TTC7B: variants seen among roughly 807,000 people sequenced by gnomAD.
The protein encoded by TTC7B is tetratricopeptide repeat protein 7B.
A neutral mutation model predicts 106.8 loss-of-function variants in TTC7B; 28 were observed. That is an observed-to-expected ratio of 0.26 (90% confidence interval 0.19 to 0.36). The LOEUF (loss-of-function observed/expected upper bound fraction) is 0.36, where lower values mean the gene tolerates loss of function less well. TTC7B is among the 10% of genes least tolerant of loss of function. TTC7B has a pLI of 1.00. For synonymous variants in TTC7B, 405 were observed against 430.6 expected, an observed-to-expected ratio of 0.94 and a Z score of 0.74; for missense variants, 862 against 1,076.4, an observed-to-expected ratio of 0.80 and a Z score of 2.79.
chr14:90,584,937 T>C (rs1566783570), intron 18 of TTC7B, among the ~76,000 whole-genome samples: 1 of 152,124 alleles, frequency 6.6e-6, no homozygotes, highest in Non-Finnish European at 1.5e-5. Flanking sequence ...ATGGGTCTCC[T>C]GTCACCCTTC....
chr14:90,688,333 T>C (rs1380672814), intron 7 of TTC7B, among the ~76,000 whole-genome samples: 2 of 151,740 alleles, frequency 1.3e-5, no homozygotes, highest in East Asian at 1.9e-4. Context: ...CTACTAAAAA[T>C]ACAAAAATTG....
At chr14:90,579,973 C>T (rs1471267082) in intron 18 of TTC7B, among the ~76,000 whole-genome samples, 1 of 152,376 alleles carries the variant, frequency 6.6e-6, no homozygotes, top group Middle Eastern at 3.4e-3. Context: ...TCCACAGCTG[C>T]TGCCAGGTTA....
At chr14:90,625,864 A>T (rs909660544) in intron 15 of TTC7B, among the ~76,000 whole-genome samples, 8 of 152,246 alleles carry the variant, frequency 5.3e-5, no homozygotes, top group Admixed American at 3.9e-4. Context: ...TTGATGTGCT[A>T]TTCATTGGGG....
intron 5 of TTC7B, 45 bp downstream of exon 5, chr14:90,730,030 T>C (rs1331124062): frequency 1.9e-6 from 3 of 1,572,466 alleles, no homozygotes; most frequent in Admixed American, 4.0e-5. Flanking sequence ...GGCTTTCTAC[T>C]TTCCTTCTTT....
intron 15 of TTC7B, among the ~76,000 whole-genome samples, chr14:90,633,134 A>G (rs1039997040): frequency 2.6e-5 from 4 of 152,212 alleles, no homozygotes; most frequent in African/African-American, 9.6e-5. Flanking sequence ...GATGTCTTAT[A>G]GTTATGGGTC....
At chr14:90,764,472 A>G (rs73332711) in intron 3 of TTC7B, among the ~76,000 whole-genome samples, 7,445 of 152,222 alleles carry the variant, frequency 0.049, 313 homozygotes, top group African/African-American at 0.11. Context: ...GGACTTAATC[A>G]AAATGAAAAA....
intron 9 of TTC7B, among the ~76,000 whole-genome samples, chr14:90,666,832 T>G (rs1029151523): frequency 1.1e-4 from 16 of 152,174 alleles, no homozygotes; most frequent in African/African-American, 3.9e-4. Flanking sequence ...TTTTCAAAGG[T>G]CACAGATTTT....
At chr14:90,722,935 C>A (rs1315939572) in intron 5 of TTC7B, among the ~76,000 whole-genome samples, 2 of 152,184 alleles carry the variant, frequency 1.3e-5, no homozygotes, top group Non-Finnish European at 2.9e-5. Flanking sequence ...CCTGGGCTGT[C>A]TTCTCTCTTT....
intron 5 of TTC7B, among the ~76,000 whole-genome samples, chr14:90,711,911 T>C: frequency 6.6e-6 from 1 of 152,124 alleles, no homozygotes; most frequent in South Asian, 2.1e-4. Context: ...ATATCAATAG[T>C]TACATTAAAT....
chr14:90,804,074 G>A (rs972020654), intron 1 of TTC7B, among the ~76,000 whole-genome samples: 2 of 152,110 alleles, frequency 1.3e-5, no homozygotes, highest in East Asian at 1.9e-4. Flanking sequence ...TGTGGCTCAC[G>A]CCTGTAATCC....
intron 3 of TTC7B, among the ~76,000 whole-genome samples, chr14:90,778,603 C>T (rs531290323): frequency 6.6e-6 from 1 of 152,324 alleles, no homozygotes; most frequent in Admixed American, 6.5e-5. Flanking sequence ...CACACACACA[C>T]ACACAGCTGC....
At position 90,577,105 on chromosome 14, in the gene TTC7B, G is replaced by A. The variant is rs1193565977; in HGVS notation, c.2310+1001C>T. Among the ~76,000 whole-genome samples the A allele has an allele frequency of 6.6e-6, 1 of 152,178 alleles. No homozygotes were observed. The highest frequency in any genetic ancestry group is 1.9e-4 in the East Asian group (1 of 5,200). On this transcript the variant is annotated intron_variant, in intron 19 of 19. Coordinates refer to ENST00000328459, the MANE Select transcript of TTC7B (RefSeq NM_001010854.2). This position sits in a 1 kb window ranked among gnomAD's most constrained non-coding sequence, Gnocchi z 5.0. ...GGTTATGGGTGCTAAGCCTCCACGGGTGCGGACACGAAGGGCCCTGAGCTT... is the reference window on the plus strand; with the variant it reads ...GGTTATGGGTGCTAAGCCTCCACGGATGCGGACACGAAGGGCCCTGAGCTT...
In TTC7B at chr14:90,604,362, A is replaced by ATCT. The variant is rs148013588; in HGVS notation, c.1966+6377_1966+6379dup. Among the ~76,000 whole-genome samples the ATCT allele has an allele frequency of 4.6e-5, 7 of 152,374 alleles. No individual in the cohort carries two copies. The East Asian group carries it at 1.3e-3, about 29-fold the overall frequency. On this transcript the variant is annotated intron_variant, in intron 17 of 19. Coordinates refer to ENST00000328459, the MANE Select transcript of TTC7B (RefSeq NM_001010854.2). ...ACAACATACACGGTGTTTAAACAGT[A>ATCT]TCTTCATCTTCCATTTCATAAAACT...
intron 12 of TTC7B, 66 bp from the exon 13 acceptor site, chr14:90,652,964 A>G (rs1885794530): frequency 6.5e-7 from 1 of 1,534,866 alleles, no homozygotes; most frequent in Non-Finnish European, 9.0e-7. Context: ...TACAAAACCC[A>G]TCACAAAACC....
intron 15 of TTC7B, among the ~76,000 whole-genome samples, chr14:90,641,921 TTGTGTGTGTGTGCGTG>T (rs1885189077): frequency 7.2e-6 from 1 of 139,218 alleles, no homozygotes; most frequent in African/African-American, 3.1e-5. Flanking sequence ...ATGAAAGAGC[TTGTGTGTGTGTGCGTG>T]TGTGTGTGTG....
At chr14:90,588,143 G>A (rs111359415) in intron 18 of TTC7B, among the ~76,000 whole-genome samples, 1,553 of 152,272 alleles carry the variant, frequency 0.01, 32 homozygotes, top group African/African-American at 0.035. Context: ...ATCTCGTCAC[G>A]AATGGGGCAA....
chr14:90,706,923 A>G (rs958633550), intron 5 of TTC7B, among the ~76,000 whole-genome samples: 3 of 152,266 alleles, frequency 2.0e-5, no homozygotes, highest in Non-Finnish European at 4.4e-5. Context: ...ATGCACATGC[A>G]TATACATACA....
Position 90,524,874 on chromosome 14 carries a change from C to T in TTC7B, c.*16494G>A, listed in dbSNP as rs956358701. 8 of 129,686 alleles carry T rather than the reference C, an allele frequency of 6.2e-5. No individual in the cohort carries two copies. The highest frequency in any genetic ancestry group is 9.3e-5 in the African/African-American group (3 of 32,344). 8.0% of individuals were successfully genotyped at this position (129,686 alleles called of 1,614,324 possible). ...GGCCAGGCTGTACTCATCTCCATTA[C>T]GAGGCCTTTTTTTTTAAAAAAAAAA... On this transcript the variant is annotated 3_prime_UTR_variant, in exon 20 of 20. Coordinates refer to ENST00000328459, the MANE Select transcript of TTC7B (RefSeq NM_001010854.2).
intron 16 of TTC7B, among the ~76,000 whole-genome samples, chr14:90,615,177 A>C (rs1038361105): frequency 6.6e-6 from 1 of 152,208 alleles, no homozygotes; most frequent in Non-Finnish European, 1.5e-5. Context: ...AGCTCAGTGT[A>C]ATTTTTTTCC....
Sources: gnomAD v4.1 joint callset for allele counts (sites outside exome capture counted in the v4.1 genomes callset) on GRCh38, gnomAD v4.1.1 for gene constraint, Gnocchi (gnomAD v3.1) non-coding constraint, MANE v1.5 for transcripts, NCBI Gene and HGNC (gene_info 2026-07-23, HGNC 2026-07-21) for gene names.